XRCC1: variants seen among roughly 807,000 people sequenced by gnomAD.
XRCC1 encodes the protein X-ray repair cross complementing 1.
Under a neutral mutation model 83.3 loss-of-function variants are expected in XRCC1, and 52 were observed. The observed-to-expected ratio is 0.62, with a 90% CI of 0.50 to 0.79. The LOEUF (loss-of-function observed/expected upper bound fraction) is 0.79. Ranked by LOEUF, XRCC1 falls within the 30% of genes least tolerant of loss-of-function variation. XRCC1 has a pLI of 0.00. For missense variants in XRCC1, 793 were observed against 823.5 expected, an observed-to-expected ratio of 0.96 and a Z score of 0.45; for synonymous variants, 281 against 312.6, an observed-to-expected ratio of 0.90 and a Z score of 1.07.
At chr19:43,559,659 A>G (rs558967435) in intron 3 of XRCC1, among the ~76,000 whole-genome samples, 7 of 152,300 alleles carry the variant, frequency 4.6e-5, no homozygotes, top group Non-Finnish European at 8.8e-5. Context: ...AGATGTTTAC[A>G]TCCTAATCCC....
intron 3 of XRCC1, among the ~76,000 whole-genome samples, chr19:43,558,600 A>C (rs1972663119): frequency 6.6e-6 from 1 of 151,818 alleles, no homozygotes; most frequent in South Asian, 2.1e-4. Context: ...CTGTACTCCA[A>C]CCTGAGCAAC....
At chr19:43,565,078 T>C (rs1468042962) in intron 2 of XRCC1, among the ~76,000 whole-genome samples, 1 of 152,054 alleles carries the variant, frequency 6.6e-6, no homozygotes, top group Non-Finnish European at 1.5e-5. Context: ...CCTCCCTCTT[T>C]CCCTTATAAG....
Position 43,552,038 on chromosome 19 carries a change from G to A in XRCC1, c.1061C>T (p.Thr354Ile). The A allele has an allele frequency of 1.2e-6, 2 of 1,614,074 alleles. No individual in the cohort carries two copies. Among genetic ancestry groups the A allele is most frequent in the Non-Finnish European group, 1.7e-6 (2 of 1,179,960 alleles). The change falls in exon 9 of 17, where the codon ACC becomes ATC. Residue 354 changes from threonine to isoleucine, a missense_variant. Coordinates refer to ENST00000262887, the MANE Select transcript of XRCC1 (RefSeq NM_006297.3). ...ELGAKYRPDW[T>I]RDSTHLICAF... ...CTACATGAGGTGCGTGCTGTCCCGGGTCCAGTCTGGCCGATACTTGGCCCC... is the reference window on the plus strand; with the variant it reads ...CTACATGAGGTGCGTGCTGTCCCGGATCCAGTCTGGCCGATACTTGGCCCC...
rs765901398 is a variant in XRCC1 at position 43,552,924 on chromosome 19, T to C, written c.712-16A>G. The C allele has an allele frequency of 4.3e-6, 7 of 1,612,468 alleles. No individual in the cohort carries two copies. In the East Asian group the frequency reaches 1.6e-4, roughly 36 times the overall value. ...ACTCCTGGGGCTGAGGGGATGGGGA[T>C]GGATTGAGGCCTCCAGCTTCTCTCC... On this transcript the variant is annotated splice_polypyrimidine_tract_variant and intron_variant, in intron 7 of 16. Transcript: ENST00000262887.
At chr19:43,547,428 C>T (rs902523309) in intron 10 of XRCC1, among the ~76,000 whole-genome samples, 1 of 151,638 alleles carries the variant, frequency 6.6e-6, no homozygotes, top group Non-Finnish European at 1.5e-5. Context: ...TCATGCTCTG[C>T]CCCCGTCAGC....
At position 43,557,537 on chromosome 19, in the gene XRCC1, T is replaced by C. The variant is rs113936765; in HGVS notation, c.256-2733A>G. Among the ~76,000 whole-genome samples the C allele has an allele frequency of 8.6e-3, 1,305 of 152,072 alleles. 17 individuals are homozygous for C. The highest frequency in any genetic ancestry group is 0.029 in the African/African-American group (1,190 of 41,520). ...CAGAAGGGAAGTTTTCTTCCTGACC[T>C]TGACTATACTTGTTTATAAAAGGCC... On this transcript the variant is annotated intron_variant, in intron 3 of 16. Coordinates refer to ENST00000262887, the MANE Select transcript of XRCC1 (RefSeq NM_006297.3).
At chr19:43,567,811 G>A (rs1423062319) in intron 2 of XRCC1, among the ~76,000 whole-genome samples, 1 of 151,966 alleles carries the variant, frequency 6.6e-6, no homozygotes, top group African/African-American at 2.4e-5. Flanking sequence ...ACATGGCACA[G>A]GAAGGCAAAG....
intron 3 of XRCC1, among the ~76,000 whole-genome samples, chr19:43,560,116 C>T (rs1274833483): frequency 6.7e-6 from 1 of 149,434 alleles, no homozygotes; most frequent in Admixed American, 6.7e-5. Context: ...GAAGGCCAGG[C>T]GCAGTGGCTC....
intron 10 of XRCC1, among the ~76,000 whole-genome samples, chr19:43,548,333 A>C (rs1480119818): frequency 6.6e-6 from 1 of 152,204 alleles, no homozygotes; most frequent in Non-Finnish European, 1.5e-5. Context: ...GGAATAGAAA[A>C]GGGGGAAAGG....
intron 3 of XRCC1, among the ~76,000 whole-genome samples, chr19:43,557,429 CT>C (rs1326558793): frequency 1.3e-5 from 2 of 151,956 alleles, no homozygotes; most frequent in Non-Finnish European, 2.9e-5. Context: ...ACAATAAAGC[CT>C]TTTGCTGAGA....
Position 43,554,722 on chromosome 19 carries a change from G to C in XRCC1, c.338C>G (p.Pro113Arg). 1.2e-6 allele frequency: 2 copies of C among 1,614,074 alleles called. No individual in the cohort carries two copies. The highest frequency in any genetic ancestry group is 2.2e-5 in the East Asian group (1 of 44,876). ...SNPNRVRMFG[P>R]DKLVRAAAEK... ...GGCGGCTGCCCGGACCAGCTTGTCAGGCCCAAACATGCGAACGCGGTTGGG... is the reference window on the plus strand; with the variant it reads ...GGCGGCTGCCCGGACCAGCTTGTCACGCCCAAACATGCGAACGCGGTTGGG... Residue 113 changes from proline (P) to arginine (R), a missense_variant, in exon 4 of 17, where the codon CCT becomes CGT. Physicochemically the swap from Pro to Arg is moderately radical, Grantham distance 103. Coordinates refer to ENST00000262887, the MANE Select transcript of XRCC1 (RefSeq NM_006297.3).
chr19:43,557,791 T>A lies in XRCC1; in HGVS notation c.256-2987A>T, dbSNP rs1261599145. ...TGGGCAACAGGAGCAAAATTCCATC[T>A]CAAAAAAAAAAAAAAAAAAAAAAAA... On this transcript the variant is annotated intron_variant, in intron 3 of 16. Transcript: ENST00000262887. Among the ~76,000 whole-genome samples the A allele has an allele frequency of 8.7e-4, 7 of 8,016 alleles. No individual in the cohort carries two copies. The East Asian group carries it at 0.024, about 28-fold the overall frequency. The allele number at this position is 8,016 out of a possible 152,430, so 5.3% of individuals were successfully genotyped here. A position where few individuals can be genotyped will look rare whatever the true frequency, so the allele number is the denominator to read the frequency against.
chr19:43,574,888 G>A (rs753179819), intron 2 of XRCC1, 22 bp downstream of exon 2: 3 of 1,599,480 alleles, frequency 1.9e-6, no homozygotes, highest in Non-Finnish European at 1.7e-6. Context: ...CTAGTGAGGA[G>A]GAGGTGGGGT....
At chr19:43,563,684 T>G (rs1260444564) in intron 2 of XRCC1, among the ~76,000 whole-genome samples, 1 of 152,050 alleles carries the variant, frequency 6.6e-6, no homozygotes, top group Admixed American at 6.6e-5. Flanking sequence ...CTCAAACATA[T>G]CCATAGCTGG....
chr19:43,547,643 G>A (rs1334324262), intron 10 of XRCC1, among the ~76,000 whole-genome samples: 1 of 151,840 alleles, frequency 6.6e-6, no homozygotes, highest in African/African-American at 2.4e-5. Flanking sequence ...CACCACGCCT[G>A]GCTAATTTTG....
chr19:43,547,161 T>C (rs995260508), intron 10 of XRCC1, among the ~76,000 whole-genome samples, 184 bp from the exon 11 acceptor site: 4 of 150,918 alleles, frequency 2.7e-5, no homozygotes, highest in African/African-American at 7.3e-5. Context: ...CCACCTGCCC[T>C]GCAGACCTGG....
At chr19:43,572,013 G>A (rs1024889023) in intron 2 of XRCC1, among the ~76,000 whole-genome samples, 1 of 152,110 alleles carries the variant, frequency 6.6e-6, no homozygotes, top group Non-Finnish European at 1.5e-5. Context: ...GCCACCCCTA[G>A]AATGTCCCAA....
At chr19:43,545,730 C>T (rs571888796) in intron 14 of XRCC1, 88 bp downstream of exon 14, 3 of 1,534,288 alleles carry the variant, frequency 2.0e-6, no homozygotes, top group Admixed American at 3.7e-5. Context: ...ACGGGGGCAG[C>T]AGTGACCCCA....
At chr19:43,553,370 C>T (rs369274158) in intron 6 of XRCC1, 31 bp downstream of exon 6, 73 of 1,609,588 alleles carry the variant, frequency 4.5e-5, no homozygotes, top group Non-Finnish European at 5.6e-5. Context: ...CTCAACCCTA[C>T]TCACTCAGGA....
Sources: allele counts gnomAD v4.1 joint callset (sites outside exome capture counted in the v4.1 genomes callset), GRCh38; gene constraint gnomAD v4.1.1; transcripts MANE v1.5; gene names NCBI Gene and HGNC (gene_info 2026-07-23, HGNC 2026-07-21).